Variants in TMEM272 observed in about 807,000 individuals in gnomAD.
The protein encoded by TMEM272 is transmembrane protein 272, also known as long intergenic non-protein coding RNA 282.
Under a neutral mutation model 3.7 loss-of-function variants are expected in TMEM272, and 8 were observed. That is an observed-to-expected ratio of 2.17 (90% confidence interval 1.27 to 3.91). The LOEUF (loss-of-function observed/expected upper bound fraction) is 3.91. Ranked by LOEUF, TMEM272 falls within the 30% of genes most tolerant of loss-of-function variation. TMEM272 has a pLI of 0.00. For missense variants in TMEM272, 166 were observed against 91.5 expected (o/e 1.81, Z -3.32); for synonymous variants, 63 against 39.8 (o/e 1.58, Z -2.20).
At chr13:51,834,765 AC>A (rs1335034344) in intron 2 of TMEM272, among the ~76,000 whole-genome samples, 1 of 151,754 alleles carries the variant, frequency 6.6e-6, no homozygotes, top group Non-Finnish European at 1.5e-5. Context: ...ACTTCCCAGG[AC>A]CCCCTGACAG....
the TMEM272 span, among the ~76,000 whole-genome samples, chr13:51,890,995 T>C: frequency 6.6e-5 from 10 of 152,200 alleles, no homozygotes; most frequent in African/African-American, 1.2e-4. Flanking sequence ...TGGGTGAACA[T>C]GAGGGCCCAG....
chr13:51,866,272 G>A, the TMEM272 span: 1 of 564,240 alleles, frequency 1.8e-6, no homozygotes, highest in East Asian at 2.9e-5. Flanking sequence ...TCCAGGTTTT[G>A]TGATGATCCA....
chr13:51,923,541 C>T, the TMEM272 span, among the ~76,000 whole-genome samples: 1 of 152,140 alleles, frequency 6.6e-6, no homozygotes, highest in Non-Finnish European at 1.5e-5. Context: ...GTGCCGGCAG[C>T]CACTCAGATG....
chr13:51,863,670 C>G, the TMEM272 span, among the ~76,000 whole-genome samples: 6 of 69,852 alleles, frequency 8.6e-5, no homozygotes, highest in African/African-American at 3.0e-4. Flanking sequence ...CACGCGCACA[C>G]AGACACACAC....
At position 51,845,058 on chromosome 13, in the gene TMEM272, C is replaced by T. The variant is rs1956293039; in HGVS notation, c.-66G>A. Reference sequence around the variant, plus strand: ...GGATCCAGAATCGGGCAGCACTCAGCACCTCTGTGGTCCCGAAGTCCAGGG... The same window carrying T: ...GGATCCAGAATCGGGCAGCACTCAGTACCTCTGTGGTCCCGAAGTCCAGGG... On this transcript the variant is annotated 5_prime_UTR_variant, in exon 1 of 5. Coordinates refer to ENST00000629372, the MANE Select transcript of TMEM272 (RefSeq NM_001351003.2). 2 of 152,254 alleles carry T rather than the reference C, an allele frequency of 1.3e-5. No individual in the cohort carries two copies. Among genetic ancestry groups the T allele is most frequent in the South Asian group, 4.1e-4 (2 of 4,832 alleles). 9.4% of individuals were successfully genotyped at this position (152,254 alleles called of 1,614,324 possible). A position where few individuals can be genotyped will look rare whatever the true frequency, so the allele number is the denominator to read the frequency against.
upstream of TMEM272, among the ~76,000 whole-genome samples, chr13:51,848,140 C>G (rs1956315431): frequency 6.6e-6 from 1 of 152,126 alleles, no homozygotes; most frequent in South Asian, 2.1e-4. Context: ...AAAAGTCATG[C>G]ACGATGTCGT....
the TMEM272 span, among the ~76,000 whole-genome samples, chr13:51,929,026 G>A: frequency 0.095 from 14,478 of 152,030 alleles, 943 homozygotes; most frequent in African/African-American, 0.19. Context: ...GTTAAACCCC[G>A]TCTCTATTAA....
the TMEM272 span, among the ~76,000 whole-genome samples, chr13:51,931,249 C>A: frequency 6.9e-6 from 1 of 145,340 alleles, no homozygotes; most frequent in East Asian, 2.0e-4. Context: ...AAATGTGGCA[C>A]ATGTACACCA....
Position 51,813,877 on chromosome 13 carries a change from ATCCC to A in TMEM272, c.*2870_*2873del, listed in dbSNP as rs1185641718. 1 of 152,242 alleles carries A rather than the reference ATCCC, an allele frequency of 6.6e-6. No individual in the cohort carries two copies. Among genetic ancestry groups the A allele is most frequent in the Non-Finnish European group, 1.5e-5 (1 of 68,044 alleles). 9.4% of individuals were successfully genotyped at this position (152,242 alleles called of 1,614,324 possible). ...TTTTCTCAGATGGGAAGAACAGATTATCCCTCTCTGCCACATAATTTGTTCCCTT... is the reference window on the plus strand; with the variant it reads ...TTTTCTCAGATGGGAAGAACAGATTATCTCTGCCACATAATTTGTTCCCTT... On this transcript the variant is annotated 3_prime_UTR_variant, in exon 5 of 5. Transcript: ENST00000629372.
At chr13:51,895,769 G>A in the TMEM272 span, among the ~76,000 whole-genome samples, 2 of 152,244 alleles carry the variant, frequency 1.3e-5, no homozygotes, top group African/African-American at 4.8e-5. Flanking sequence ...ACAGCTACCA[G>A]TAGGGAGTGT....
chr13:51,823,127 G>A (rs1237902864), intron 3 of TMEM272, among the ~76,000 whole-genome samples: 2 of 152,238 alleles, frequency 1.3e-5, no homozygotes, highest in Non-Finnish European at 2.9e-5. Flanking sequence ...AGGCTGGAGT[G>A]CAGTAGCATG....
At chr13:51,886,247 G>A in the TMEM272 span, among the ~76,000 whole-genome samples, 1 of 152,216 alleles carries the variant, frequency 6.6e-6, no homozygotes, top group African/African-American at 2.4e-5. Context: ...TGCTGAAGGA[G>A]AAGTTGGGAT....
chr13:51,851,519 T>C, the TMEM272 span, among the ~76,000 whole-genome samples: 2 of 138,108 alleles, frequency 1.4e-5, no homozygotes, highest in African/African-American at 5.7e-5. Flanking sequence ...ACCTTTGTTT[T>C]ACCTTTTTTT....
the TMEM272 span, among the ~76,000 whole-genome samples, chr13:51,882,374 A>G: frequency 1.8e-4 from 28 of 152,334 alleles, no homozygotes; most frequent in Middle Eastern, 3.4e-3. Flanking sequence ...AAGCTTGTTT[A>G]TTGTCTGATC....
Position 51,826,751 on chromosome 13 carries a change from G to A in TMEM272, c.59-126C>T. ...CTCTCCAGTGGCAAGTCAGCAGACA[G>A]GAGGAGAAGGTCGCAGCTCGCCTGG... On this transcript the variant is annotated intron_variant, in intron 2 of 4. Coordinates refer to ENST00000629372, the MANE Select transcript of TMEM272 (RefSeq NM_001351003.2). 3 of 655,934 alleles carry A rather than the reference G, an allele frequency of 4.6e-6. No individual in the cohort carries two copies. In the South Asian group the frequency reaches 5.0e-5, roughly 11 times the overall value. The allele number at this position is 655,934 out of a possible 1,614,324, so 40.6% of individuals were successfully genotyped here. A position where few individuals can be genotyped will look rare whatever the true frequency, so the allele number is the denominator to read the frequency against.
the TMEM272 span, among the ~76,000 whole-genome samples, chr13:51,903,330 CT>C: frequency 6.6e-6 from 1 of 152,186 alleles, no homozygotes; most frequent in Admixed American, 6.5e-5. Flanking sequence ...ACTATAGTGT[CT>C]TCCCTTCATT....
chr13:51,837,544 G>A (rs939543553), intron 2 of TMEM272, among the ~76,000 whole-genome samples: 3 of 152,194 alleles, frequency 2.0e-5, no homozygotes, highest in African/African-American at 7.2e-5. Context: ...AATGAGATGG[G>A]CACTGGGCCC....
chr13:51,889,681 G>T, the TMEM272 span, among the ~76,000 whole-genome samples: 1 of 151,974 alleles, frequency 6.6e-6, no homozygotes. Flanking sequence ...TGCTCTTGTT[G>T]CCCAGGCTAA....
At chr13:51,907,675 T>C in the TMEM272 span, among the ~76,000 whole-genome samples, 10 of 152,254 alleles carry the variant, frequency 6.6e-5, no homozygotes, top group Admixed American at 2.0e-4. Context: ...TCGCTGACCA[T>C]ACTGCCTCCC....
Sources: gnomAD v4.1 joint callset for allele counts (sites outside exome capture counted in the v4.1 genomes callset) on GRCh38, gnomAD v4.1.1 for gene constraint, MANE v1.5 for transcripts, NCBI Gene and HGNC (gene_info 2026-07-23, HGNC 2026-07-21) for gene names.